NICOL1: variants seen among roughly 807,000 people sequenced by gnomAD.
NICOL1 encodes NELL2-interacting cell ontogeny regulator 1.
At chr4:2,040,130 G>A in the NICOL1 span, among the ~76,000 whole-genome samples, 1 of 151,876 alleles carries the variant, frequency 6.6e-6, no homozygotes, top group Admixed American at 6.6e-5. Context: ...TTTTTGAGAT[G>A]GAGTCTCACT....
the NICOL1 span, chr4:2,042,030 G>A: frequency 6.8e-7 from 1 of 1,475,048 alleles, no homozygotes; most frequent in Non-Finnish European, 8.9e-7. Context: ...ACGTCTGCCG[G>A]TGTCCCCGCG....
chr4:2,043,849 G>A, the NICOL1 span: 1 of 1,549,028 alleles, frequency 6.5e-7, no homozygotes, highest in South Asian at 1.2e-5. Flanking sequence ...CACCCCTCTT[G>A]TTGCTTTGCA....
the NICOL1 span, among the ~76,000 whole-genome samples, chr4:2,040,982 G>T: frequency 6.6e-6 from 1 of 152,158 alleles, no homozygotes; most frequent in Non-Finnish European, 1.5e-5. Context: ...GGGGTTGGGG[G>T]TAGAGGTCGG....
chr4:2,042,181 G>A, the NICOL1 span: 43 of 1,446,402 alleles, frequency 3.0e-5, no homozygotes, highest in Non-Finnish European at 3.8e-5. Context: ...CGGAGGTGGG[G>A]AGGGGGCTCC....
At chr4:2,041,798 C>T in the NICOL1 span, 7 of 514,684 alleles carry the variant, frequency 1.4e-5, no homozygotes, top group Non-Finnish European at 2.3e-5. Context: ...GCCCCGGCGC[C>T]GCCTCCTCCA....
the NICOL1 span, chr4:2,042,183 G>C: frequency 3.5e-6 from 5 of 1,444,358 alleles, no homozygotes; most frequent in African/African-American, 3.0e-5. Context: ...GAGGTGGGGA[G>C]GGGGCTCCCG....
At chr4:2,037,132 C>T in the NICOL1 span, among the ~76,000 whole-genome samples, 1 of 152,160 alleles carries the variant, frequency 6.6e-6, no homozygotes. Context: ...CTTCCTCCTG[C>T]TCTGCCATAT....
the NICOL1 span, chr4:2,041,874 G>A: frequency 9.0e-7 from 1 of 1,110,346 alleles, no homozygotes. Context: ...CCCCGGCCAG[G>A]GCCAGGCACA....
At chr4:2,039,589 C>T in the NICOL1 span, among the ~76,000 whole-genome samples, 41 of 152,054 alleles carry the variant, frequency 2.7e-4, no homozygotes, top group Non-Finnish European at 4.3e-4. Flanking sequence ...ATTCCCAGCA[C>T]TTTGGGAGGC....
the NICOL1 span, chr4:2,042,900 C>T: frequency 1.8e-5 from 19 of 1,027,684 alleles, no homozygotes; most frequent in East Asian, 5.6e-4. Flanking sequence ...GGAAGAGGCC[C>T]CCTGCGGGAG....
the NICOL1 span, among the ~76,000 whole-genome samples, chr4:2,038,277 AT>A: frequency 9.3e-6 from 1 of 107,714 alleles, no homozygotes; most frequent in Non-Finnish European, 1.9e-5. Context: ...ATATATATAT[AT>A]ATATATAAAA....
the NICOL1 span, among the ~76,000 whole-genome samples, chr4:2,038,232 A>AGTGT: frequency 2.3e-3 from 223 of 96,462 alleles, 2 homozygotes; most frequent in African/African-American, 6.8e-3. Context: ...TTAAGTGATC[A>AGTGT]GTGTGTATAT....
At chr4:2,037,552 T>C in the NICOL1 span, among the ~76,000 whole-genome samples, 1 of 152,242 alleles carries the variant, frequency 6.6e-6, no homozygotes, top group Non-Finnish European at 1.5e-5. Flanking sequence ...TCTAGAAGTG[T>C]TTCTTCATAT....
chr4:2,042,373 C>G, the NICOL1 span: 1 of 515,052 alleles, frequency 1.9e-6, no homozygotes, highest in Non-Finnish European at 3.4e-6. Flanking sequence ...GCCCGCGTGC[C>G]GGTCCCCGAT....
chr4:2,042,937 AT>A, the NICOL1 span: 1 of 672,982 alleles, frequency 1.5e-6, no homozygotes, highest in Non-Finnish European at 2.3e-6. Flanking sequence ...CTTCACCCCG[AT>A]TTAAGATGCC....
At chr4:2,042,000 C>T in the NICOL1 span, 3 of 1,469,354 alleles carry the variant, frequency 2.0e-6, no homozygotes, top group South Asian at 2.6e-5. Flanking sequence ...AGCGCATGCG[C>T]GTTGCGCGCC....
the NICOL1 span, chr4:2,042,726 C>T: frequency 1.3e-6 from 2 of 1,503,972 alleles, no homozygotes; most frequent in South Asian, 1.2e-5. Context: ...CTGACCCGCG[C>T]CCCCCGCAGG....
chr4:2,042,079 T>A, the NICOL1 span: 1 of 1,481,210 alleles, frequency 6.8e-7, no homozygotes, highest in Non-Finnish European at 8.9e-7. Flanking sequence ...GTAAGGGCGG[T>A]GGTGCGGGCG....
the NICOL1 span, chr4:2,041,937 C>G: frequency 2.8e-6 from 4 of 1,444,230 alleles, no homozygotes; most frequent in Admixed American, 3.0e-5. Context: ...AGCGCAGTCT[C>G]GGGTTTCCAT....
Sources: gnomAD v4.1 joint callset for allele counts (sites outside exome capture counted in the v4.1 genomes callset) on GRCh38, gnomAD v4.1.1 for gene constraint, MANE v1.5 for transcripts, NCBI Gene and HGNC (gene_info 2026-07-23, HGNC 2026-07-21) for gene names.